PDE3B: variants seen among roughly 807,000 people sequenced by gnomAD.
PDE3B encodes phosphodiesterase 3B, also known as cGMP-inhibited 3',5'-cyclic phosphodiesterase 3B.
A neutral mutation model predicts 116.8 loss-of-function variants in PDE3B; 66 were observed. The observed-to-expected ratio is 0.56, with a 90% CI of 0.46 to 0.69. The LOEUF (loss-of-function observed/expected upper bound fraction) is 0.69, where lower values mean the gene tolerates loss of function less well. Ranked by LOEUF, PDE3B falls within the 30% of genes least tolerant of loss-of-function variation. The probability of loss-of-function intolerance (pLI) is 0.00; values close to 1 mark genes in which losing one functional copy is unlikely to be tolerated. For synonymous variants in PDE3B, 595 were observed against 533.6 expected (o/e 1.12, Z -1.59); for missense variants, 1,384 against 1,368.1 (o/e 1.01, Z -0.18).
chr11:14,664,133 T>C (rs1214242841), intron 1 of PDE3B, among the ~76,000 whole-genome samples: 9 of 152,064 alleles, frequency 5.9e-5, no homozygotes, highest in Admixed American at 1.3e-4. Flanking sequence ...CGCTCAACTA[T>C]ATGGAAACTG....
At chr11:14,798,385 A>G (rs1287483623) in intron 4 of PDE3B, among the ~76,000 whole-genome samples, 1 of 152,126 alleles carries the variant, frequency 6.6e-6, no homozygotes, top group East Asian at 1.9e-4. Context: ...TATTGGCCTG[A>G]AATTTTCTTT....
At chr11:14,761,781 A>T (rs1372165498) in intron 1 of PDE3B, among the ~76,000 whole-genome samples, 1 of 152,142 alleles carries the variant, frequency 6.6e-6, no homozygotes, top group African/African-American at 2.4e-5. Flanking sequence ...TATTTAGCTA[A>T]TGCCTAACAG....
intron 1 of PDE3B, among the ~76,000 whole-genome samples, chr11:14,669,305 CT>C (rs1412127878): frequency 1.3e-5 from 2 of 152,032 alleles, no homozygotes; most frequent in African/African-American, 2.4e-5. Context: ...CACTTCCTGT[CT>C]TTCTGTCTTC....
Position 14,794,834 on chromosome 11 carries a change from T to C in PDE3B, c.1415+5592T>C, listed in dbSNP as rs536759721. Among the ~76,000 whole-genome samples the C allele has an allele frequency of 7.9e-5, 12 of 152,240 alleles. 1 individual carries two copies. The highest frequency in any genetic ancestry group is 7.8e-4 in the Admixed American group (12 of 15,288). On this transcript the variant is annotated intron_variant, in intron 4 of 15. Transcript: ENST00000282096. Reference sequence around the variant, plus strand: ...GCAGCTCACAGAACTCAAGGAAGCATGTTTACTGGCTTATTACAAATAATA... The same window carrying C: ...GCAGCTCACAGAACTCAAGGAAGCACGTTTACTGGCTTATTACAAATAATA...
chr11:14,682,578 A>G (rs541857963), intron 1 of PDE3B, among the ~76,000 whole-genome samples: 2 of 152,264 alleles, frequency 1.3e-5, no homozygotes, highest in East Asian at 3.9e-4. Flanking sequence ...TTGCATCAAT[A>G]TGATCATGTG....
the PDE3B span, among the ~76,000 whole-genome samples, chr11:14,878,454 A>C: frequency 8.5e-5 from 13 of 152,128 alleles, no homozygotes; most frequent in Non-Finnish European, 1.8e-4. Flanking sequence ...AAAGAATAGA[A>C]ATTGACACTT....
At chr11:14,818,662 T>A (rs1393456232) in intron 6 of PDE3B, among the ~76,000 whole-genome samples, 1 of 152,166 alleles carries the variant, frequency 6.6e-6, no homozygotes, top group Non-Finnish European at 1.5e-5. Flanking sequence ...TATAACTAGA[T>A]GATGGATTCA....
intron 1 of PDE3B, among the ~76,000 whole-genome samples, chr11:14,731,697 T>C (rs1213768177): frequency 6.6e-6 from 1 of 152,212 alleles, no homozygotes; most frequent in Non-Finnish European, 1.5e-5. Flanking sequence ...AACTCAGTCA[T>C]ATAAGTTAAG....
intron 1 of PDE3B, among the ~76,000 whole-genome samples, chr11:14,708,841 A>G (rs1855612046): frequency 6.6e-6 from 1 of 152,104 alleles, no homozygotes; most frequent in Non-Finnish European, 1.5e-5. Context: ...CAAAATTTTA[A>G]CAATAGATGG....
chr11:14,837,901 G>A (rs1321773084), intron 11 of PDE3B, among the ~76,000 whole-genome samples: 1 of 152,152 alleles, frequency 6.6e-6, no homozygotes, highest in African/African-American at 2.4e-5. Context: ...CAAGTTTAGG[G>A]CTGTAATTAA....
rs776971965 is a variant in PDE3B at position 14,830,688 on chromosome 11, T to C, written c.1808-10T>C. Reference sequence around the variant, plus strand: ...TACTCCTATATATTACTATATATATTTTTTGAAAGGTGAAGAAGAAAACAT... The same window carrying C: ...TACTCCTATATATTACTATATATATCTTTTGAAAGGTGAAGAAGAAAACAT... On this transcript the variant is annotated splice_polypyrimidine_tract_variant and intron_variant, in intron 7 of 15. Transcript: ENST00000282096. 10 of 1,377,168 alleles carry C rather than the reference T, an allele frequency of 7.3e-6. No individual in the cohort carries two copies. Among genetic ancestry groups the C allele is most frequent in the South Asian group, 6.2e-5 (4 of 64,944 alleles). The allele number at this position is 1,377,168 out of a possible 1,614,324, so 85.3% of individuals were successfully genotyped here.
chr11:14,656,296 C>T (rs1853715300), intron 1 of PDE3B, among the ~76,000 whole-genome samples: 1 of 152,200 alleles, frequency 6.6e-6, no homozygotes, highest in Admixed American at 6.5e-5. Context: ...ACCTCTTTTA[C>T]ATCTCTAAAT....
At chr11:14,706,370 A>G (rs568022975) in intron 1 of PDE3B, among the ~76,000 whole-genome samples, 4 of 152,114 alleles carry the variant, frequency 2.6e-5, no homozygotes, top group African/African-American at 9.6e-5. Flanking sequence ...CTGAGCATCT[A>G]TAATTCAGTT....
intron 1 of PDE3B, among the ~76,000 whole-genome samples, chr11:14,691,119 A>G (rs1242080582): frequency 6.6e-6 from 1 of 152,218 alleles, no homozygotes; most frequent in African/African-American, 2.4e-5. Context: ...AGTAGAATTC[A>G]GTAAAGGTGA....
At chr11:14,657,445 C>T (rs1423861857) in intron 1 of PDE3B, among the ~76,000 whole-genome samples, 1 of 152,178 alleles carries the variant, frequency 6.6e-6, no homozygotes, top group East Asian at 1.9e-4. Context: ...TCCTGAAGAG[C>T]TTCTACCAGT....
At chr11:14,696,460 A>G (rs925064987) in intron 1 of PDE3B, among the ~76,000 whole-genome samples, 20 of 152,168 alleles carry the variant, frequency 1.3e-4, no homozygotes, top group Admixed American at 1.2e-3. Context: ...GAACACTTCC[A>G]GTGAGTGAAG....
At chr11:14,677,489 A>G (rs1000079028) in intron 1 of PDE3B, among the ~76,000 whole-genome samples, 5 of 152,146 alleles carry the variant, frequency 3.3e-5, no homozygotes, top group Non-Finnish European at 7.4e-5. Flanking sequence ...CATATTCTCA[A>G]TATTTCCCTC....
chr11:14,702,521 G>C (rs1423500124), intron 1 of PDE3B, among the ~76,000 whole-genome samples: 1 of 151,808 alleles, frequency 6.6e-6, no homozygotes. Context: ...CCAGTAAAAG[G>C]TGTATTGATT....
chr11:14,892,065 TGGCAGCCCC>T, the PDE3B span: 22 of 1,612,108 alleles, frequency 1.4e-5, no homozygotes, highest in Admixed American at 1.7e-5. Context: ...TGCCGATAAA[TGGCAGCCCC>T]GGCGGCCCCG....
Sources: gnomAD v4.1 joint callset for allele counts (sites outside exome capture counted in the v4.1 genomes callset) on GRCh38, gnomAD v4.1.1 for gene constraint, MANE v1.5 for transcripts, NCBI Gene and HGNC (gene_info 2026-07-23, HGNC 2026-07-21) for gene names.